SH3RF1: variants seen among roughly 807,000 people sequenced by gnomAD.
SH3RF1 encodes E3 ubiquitin-protein ligase SH3RF1.
In SH3RF1, 32 loss-of-function variants were observed where a neutral mutation model predicts 74.0. The ratio of observed to expected loss-of-function variants is 0.43; its 90% CI spans 0.33 to 0.58. The LOEUF is 0.58. Among genes scored for constraint, SH3RF1 ranks in the 20% least tolerant of loss-of-function variants. SH3RF1 has a pLI of 0.05. For synonymous variants in SH3RF1, 396 were observed against 439.6 expected, an observed-to-expected ratio of 0.90 and a Z score of 1.24; for missense variants, 954 against 1,130.9, an observed-to-expected ratio of 0.84 and a Z score of 2.24.
chr4:169,225,433 C>T (rs541279871), intron 2 of SH3RF1, among the ~76,000 whole-genome samples: 7 of 152,174 alleles, frequency 4.6e-5, no homozygotes, highest in Non-Finnish European at 8.8e-5. Flanking sequence ...AGAGAAAAGG[C>T]AGACCTCACA....
In SH3RF1 at chr4:169,094,461, A is replaced by C. The variant is rs2126930853; in HGVS notation, c.*2058T>G. 1 of 151,926 alleles carries C rather than the reference A, an allele frequency of 6.6e-6. No homozygotes were observed. Among genetic ancestry groups the C allele is most frequent in the African/African-American group, 2.4e-5 (1 of 41,536 alleles). The allele number at this position is 151,926 out of a possible 1,614,324, so 9.4% of individuals were successfully genotyped here. A position where few individuals can be genotyped will look rare whatever the true frequency, so the allele number is the denominator to read the frequency against. ...TACCTAATGATCTATTAACAGATGA[A>C]ATTTTAACCAACTTTATACCAGGAA... is the stretch of plus-strand genomic sequence containing the variant. On this transcript the variant is annotated 3_prime_UTR_variant, in exon 12 of 12. Transcript: ENST00000284637.
At chr4:169,204,073 C>CCTCATTTAAA (rs1338507848) in intron 2 of SH3RF1, 31 of 152,148 alleles carry the variant, frequency 2.0e-4, no homozygotes, top group Admixed American at 9.8e-4. Flanking sequence ...CTCATTTTAA[C>CCTCATTTAAA]CTCATTTAAA....
chr4:169,179,051 T>G (rs1416873476), intron 2 of SH3RF1, among the ~76,000 whole-genome samples: 2 of 152,160 alleles, frequency 1.3e-5, no homozygotes, highest in East Asian at 1.9e-4. Flanking sequence ...CTGAACCCCA[T>G]GAATCTGTTG....
chr4:169,253,230 G>A lies in SH3RF1; in HGVS notation c.393+15590C>T, dbSNP rs113096475. Among the ~76,000 whole-genome samples the A allele has an allele frequency of 2.6e-3, 402 of 152,300 alleles. 1 individual carries two copies. The highest frequency in any genetic ancestry group is 9.1e-3 in the African/African-American group (380 of 41,562). The stretch of plus-strand genomic sequence containing the variant: ...TTTCTAAAGTTACCAAACCTTCCTA[G>A]CATGTTGCTTCTCAAAATCTGCCAT... On this transcript the variant is annotated intron_variant, in intron 2 of 11. Coordinates refer to ENST00000284637, the MANE Select transcript of SH3RF1 (RefSeq NM_020870.4).
intron 2 of SH3RF1, among the ~76,000 whole-genome samples, chr4:169,260,320 T>C (rs188118233): frequency 2.7e-3 from 410 of 152,330 alleles, no homozygotes; most frequent in African/African-American, 9.0e-3. Context: ...GAAGCAGTTT[T>C]AGGAAGGCAA....
At chr4:169,234,998 C>T (rs1402865624) in intron 2 of SH3RF1, among the ~76,000 whole-genome samples, 1 of 152,090 alleles carries the variant, frequency 6.6e-6, no homozygotes, top group Non-Finnish European at 1.5e-5. Context: ...TCTCATACCC[C>T]CATTGAGAAT....
intron 2 of SH3RF1, among the ~76,000 whole-genome samples, chr4:169,212,057 C>CTTTTTTTTTTTT (rs34108534): frequency 2.5e-4 from 12 of 48,262 alleles, no homozygotes; most frequent in African/African-American, 8.3e-4. Flanking sequence ...CTTTTCTTTT[C>CTTTTTTTTTTTT]TTTTTTTTTT....
intron 2 of SH3RF1, among the ~76,000 whole-genome samples, chr4:169,240,909 C>G (rs532748583): frequency 6.6e-6 from 1 of 152,246 alleles, no homozygotes; most frequent in Non-Finnish European, 1.5e-5. Context: ...GCAAGGAAGC[C>G]TTTTAAGTGA....
intron 2 of SH3RF1, among the ~76,000 whole-genome samples, chr4:169,258,581 G>A (rs1731226062): frequency 6.6e-6 from 1 of 152,090 alleles, no homozygotes; most frequent in Non-Finnish European, 1.5e-5. Context: ...CAGAAAAAAA[G>A]CATATGAAAT....
chr4:169,104,997 A>G (rs1178107497), intron 11 of SH3RF1, among the ~76,000 whole-genome samples: 1 of 152,172 alleles, frequency 6.6e-6, no homozygotes. Context: ...TTTATTTTTA[A>G]GTTAAAAAGT....
intron 2 of SH3RF1, among the ~76,000 whole-genome samples, chr4:169,168,639 T>C (rs1255872104): frequency 2.6e-5 from 4 of 152,198 alleles, no homozygotes; most frequent in African/African-American, 9.6e-5. Flanking sequence ...GATAAAGGAA[T>C]TTCCTGACAG....
intron 4 of SH3RF1, among the ~76,000 whole-genome samples, chr4:169,142,585 T>A (rs950628051): frequency 6.6e-6 from 1 of 152,246 alleles, no homozygotes; most frequent in Non-Finnish European, 1.5e-5. Context: ...TTTTTCCACA[T>A]GACTCAGCAG....
At chr4:169,132,171 A>G (rs1331605234) in intron 5 of SH3RF1, among the ~76,000 whole-genome samples, 1 of 152,234 alleles carries the variant, frequency 6.6e-6, no homozygotes, top group African/African-American at 2.4e-5. Context: ...GGTAACAGAC[A>G]TTATTATCAA....
chr4:169,231,743 C>T (rs774151012), intron 2 of SH3RF1, among the ~76,000 whole-genome samples: 27 of 152,274 alleles, frequency 1.8e-4, no homozygotes, highest in Non-Finnish European at 3.8e-4. Context: ...ACCTGGACAA[C>T]TAACGCCTCT....
At chr4:169,184,394 G>T (rs975910573) in intron 2 of SH3RF1, among the ~76,000 whole-genome samples, 1 of 152,198 alleles carries the variant, frequency 6.6e-6, no homozygotes, top group Non-Finnish European at 1.5e-5. Context: ...AGATGGCAGG[G>T]CCATGAAGCA....
intron 2 of SH3RF1, among the ~76,000 whole-genome samples, chr4:169,192,808 G>GATATATATGTGATATATATATC (rs1734746428): frequency 6.9e-6 from 1 of 145,948 alleles, no homozygotes; most frequent in Non-Finnish European, 1.5e-5. Flanking sequence ...ATATATATAT[G>GATATATATGTGATATATATATC]ATATATATGT....
chr4:169,117,847 A>T, intron 8 of SH3RF1, 65 bp from the exon 9 acceptor site: 1 of 1,539,786 alleles, frequency 6.5e-7, no homozygotes. Flanking sequence ...AGAACAATTA[A>T]ATGCAAGAAA....
chr4:169,150,678 C>A (rs559076250), intron 4 of SH3RF1, among the ~76,000 whole-genome samples: 2 of 152,256 alleles, frequency 1.3e-5, no homozygotes, highest in South Asian at 4.1e-4. Context: ...CATCTTAGGG[C>A]CCCATGTCCG....
chr4:169,206,655 T>C (rs1730268973), intron 2 of SH3RF1, among the ~76,000 whole-genome samples: 1 of 152,114 alleles, frequency 6.6e-6, no homozygotes, highest in Non-Finnish European at 1.5e-5. Context: ...ATACAGAGAA[T>C]CCCTGCCCCA....
Sources: allele counts gnomAD v4.1 joint callset (sites outside exome capture counted in the v4.1 genomes callset), GRCh38; gene constraint gnomAD v4.1.1; transcripts MANE v1.5; gene names NCBI Gene and HGNC (gene_info 2026-07-23, HGNC 2026-07-21).